The following KLHL22 variants were observed in gnomAD, a reference collection of about 807,000 sequenced individuals.
KLHL22 encodes the protein kelch like family member 22, also known as kelch-like protein 22.
A neutral mutation model predicts 60.7 loss-of-function variants in KLHL22; 18 were observed. The ratio of observed to expected loss-of-function variants is 0.30; its 90% CI spans 0.20 to 0.44. KLHL22 has a LOEUF of 0.44. Ranked by LOEUF, KLHL22 falls within the 20% of genes least tolerant of loss-of-function variation. KLHL22 has a pLI of 1.00. For synonymous variants in KLHL22, 355 were observed against 354.5 expected (o/e 1.00, Z -0.01); for missense variants, 596 against 852.3 (o/e 0.70, Z 3.74).
chr22:20,461,550 C>CAA (rs362095), intron 4 of KLHL22, among the ~76,000 whole-genome samples: 59 of 64,790 alleles, frequency 9.1e-4, no homozygotes, highest in Non-Finnish European at 1.3e-3. Flanking sequence ...GACTCCAACT[C>CAA]AAAAAAAAAA....
In KLHL22 at chr22:20,450,052, G is replaced by A. The variant is rs113392055; in HGVS notation, c.1306-3376C>T. ...ACAGGCTGGGGACAGGCCCTGGCGC[G>A]GCTGTGTGGGATCAGAAGCAGAGTT... On this transcript the variant is annotated intron_variant, in intron 5 of 6. Transcript: ENST00000328879. 1,408 of 685,230 alleles carry A rather than the reference G, an allele frequency of 2.1e-3. 14 individuals carry two copies. The African/African-American group carries it at 0.022, about 11-fold the overall frequency. 42.4% of individuals were successfully genotyped at this position (685,230 alleles called of 1,614,324 possible).
chr22:20,466,518 T>C (rs2053239488), intron 3 of KLHL22, among the ~76,000 whole-genome samples: 2 of 151,998 alleles, frequency 1.3e-5, no homozygotes, highest in Non-Finnish European at 2.9e-5. Flanking sequence ...TGGAAGAGCC[T>C]GCCTCTCCAA....
At chr22:20,456,777 C>T (rs967423745) in intron 5 of KLHL22, among the ~76,000 whole-genome samples, 6 of 152,352 alleles carry the variant, frequency 3.9e-5, no homozygotes, top group Middle Eastern at 3.4e-3. Context: ...AGAGCTGGAT[C>T]CATTGAGGAG....
chr22:20,489,337 T>C, intron 1 of KLHL22, 93 bp from the exon 2 acceptor site: 1 of 877,920 alleles, frequency 1.1e-6, no homozygotes, highest in Non-Finnish European at 1.8e-6. Context: ...CCCTTGCTCC[T>C]GTGCCTCCCT....
At position 20,465,369 on chromosome 22, in the gene KLHL22, TGAG is replaced by T. The variant is rs1164046311; in HGVS notation, c.598_600del (p.Leu200del). On this transcript the variant is annotated inframe_deletion, in exon 4 of 7. Transcript: ENST00000328879. This position sits in a 1 kb window ranked among gnomAD's most constrained non-coding sequence, Gnocchi z 4.9. ...CAGGAGACCTCCAGGCGATTGCTGCTGAGGAGGGAGTAGACCTTCTCCAATGGA... is the reference window on the plus strand; with the variant it reads ...CAGGAGACCTCCAGGCGATTGCTGCTGAGGGAGTAGACCTTCTCCAATGGA... 1 of 1,614,128 alleles carries T rather than the reference TGAG, an allele frequency of 6.2e-7. No individual in the cohort carries two copies. The highest frequency in any genetic ancestry group is 8.5e-7 in the Non-Finnish European group (1 of 1,180,006).
rs750606893 is a variant in KLHL22 at position 20,465,592 on chromosome 22, C to T, written c.394-16G>A. On this transcript the variant is annotated splice_polypyrimidine_tract_variant and intron_variant, in intron 3 of 6. Transcript: ENST00000328879. The surrounding 1 kb of genome is among the most constrained non-coding windows in gnomAD (Gnocchi z 4.9). ...TTTCTGGGATCTGCAGAGAGAATGA[C>T]ACCCATTCAAGCCTGGGCTGGTGAA... 1.6e-6 allele frequency: 2 copies of T among 1,246,990 alleles called. No homozygotes were observed. Among genetic ancestry groups the T allele is most frequent in the Non-Finnish European group, 2.4e-6 (2 of 845,494 alleles). 77.2% of individuals were successfully genotyped at this position (1,246,990 alleles called of 1,614,324 possible).
At chr22:20,468,069 T>C (rs1378899310) in intron 3 of KLHL22, among the ~76,000 whole-genome samples, 6 of 151,810 alleles carry the variant, frequency 4.0e-5, no homozygotes, top group Non-Finnish European at 8.8e-5. Flanking sequence ...ACCTACCAAA[T>C]GTCAGGCAGG....
intron 1 of KLHL22, among the ~76,000 whole-genome samples, chr22:20,494,127 C>T (rs567139665): frequency 6.7e-6 from 1 of 150,044 alleles, no homozygotes; most frequent in East Asian, 2.0e-4. Flanking sequence ...TGGCTCATGC[C>T]TGTAATCCCA....
At position 20,465,729 on chromosome 22, in the gene KLHL22, G is replaced by C; in HGVS notation, c.394-153C>G. On this transcript the variant is annotated intron_variant, in intron 3 of 6. Coordinates refer to ENST00000328879, the MANE Select transcript of KLHL22 (RefSeq NM_032775.4). This position sits in a 1 kb window ranked among gnomAD's most constrained non-coding sequence, Gnocchi z 4.9. ...GTCCCCGACCTTTTCTGACACACTG[G>C]AGACTGGGGCTTACTGCAGACTAGG... 1.6e-6 allele frequency: 1 copy of C among 635,828 alleles called. No homozygotes were observed. The highest frequency in any genetic ancestry group is 2.8e-6 in the Non-Finnish European group (1 of 353,000). 39.4% of individuals were successfully genotyped at this position (635,828 alleles called of 1,614,324 possible).
intron 1 of KLHL22, among the ~76,000 whole-genome samples, chr22:20,493,597 T>C (rs2053723827): frequency 6.6e-6 from 1 of 151,548 alleles, no homozygotes. Context: ...CTGGCCAACA[T>C]AGTGAAACCC....
intron 2 of KLHL22, among the ~76,000 whole-genome samples, chr22:20,484,668 A>C (rs770838960): frequency 1.3e-5 from 2 of 151,032 alleles, no homozygotes; most frequent in African/African-American, 4.9e-5. Flanking sequence ...TTGGGCTCAA[A>C]CAATCTGCCC....
In KLHL22 at chr22:20,446,503, G is replaced by T; in HGVS notation, c.1479C>A (p.Asn493Lys). The change falls in exon 6 of 7, where the codon AAC becomes AAA. Residue 493 changes from asparagine (N) to lysine (K), a missense_variant. By Grantham distance (94) the Asn-to-Lys change is moderately conservative. Coordinates refer to ENST00000328879, the MANE Select transcript of KLHL22 (RefSeq NM_032775.4). ...TGCTGCCCCCGATCACATACAGCTT[G>T]TTGAGGAGGGTTGCCATGCCGTGCC... is the stretch of plus-strand genomic sequence containing the variant. ...RAWHGMATLL[N>K]KLYVIGGSNN... The T allele has an allele frequency of 6.2e-7, 1 of 1,613,120 alleles. No individual in the cohort carries two copies. The highest frequency in any genetic ancestry group is 8.5e-7 in the Non-Finnish European group (1 of 1,180,002).
At position 20,457,901 on chromosome 22, in the gene KLHL22, C is replaced by T; in HGVS notation, c.1212G>A (p.Val404=). 1 of 1,613,772 alleles carries T rather than the reference C, an allele frequency of 6.2e-7. No individual in the cohort carries two copies. The highest frequency in any genetic ancestry group is 8.5e-7 in the Non-Finnish European group (1 of 1,179,910). ...VCVVGRYIYA[V]AGRDYHNDLN... is the part of the protein sequence containing the mutation. ...GGTCATTGTGGTAGTCACGGCCCGCCACAGCGTAGATGTACCTGCCTACAA... is the reference window on the plus strand; with the variant it reads ...GGTCATTGTGGTAGTCACGGCCCGCTACAGCGTAGATGTACCTGCCTACAA... The change falls in exon 5 of 7, where the codon GTG becomes GTA. Residue 404 remains valine (V), a synonymous_variant. Transcript: ENST00000328879.
chr22:20,448,590 G>T (rs771866171), intron 5 of KLHL22, among the ~76,000 whole-genome samples: 1 of 152,070 alleles, frequency 6.6e-6, no homozygotes, highest in Non-Finnish European at 1.5e-5. Flanking sequence ...TTTGAGACAG[G>T]GTCTTGGTCT....
rs35069239 is a variant in KLHL22, at chr22:20,484,298, T to C, written c.227+4687A>G. On this transcript the variant is annotated intron_variant, in intron 2 of 6. Coordinates refer to ENST00000328879, the MANE Select transcript of KLHL22 (RefSeq NM_032775.4). ...ATGAGCCACCGTGCCCAGCTTTGTTTGTTTTTTGCTTTTTGAGGCAGAATC... is the reference window on the plus strand; with the variant it reads ...ATGAGCCACCGTGCCCAGCTTTGTTCGTTTTTTGCTTTTTGAGGCAGAATC... Among the ~76,000 whole-genome samples the C allele has an allele frequency of 2.6e-3, 393 of 152,086 alleles. 2 individuals carry two copies. The highest frequency in any genetic ancestry group is 3.3e-3 in the Non-Finnish European group (223 of 67,982).
chr22:20,449,963 C>T (rs112142686), intron 5 of KLHL22, among the ~76,000 whole-genome samples: 3 of 152,298 alleles, frequency 2.0e-5, no homozygotes, highest in Admixed American at 6.5e-5. Context: ...CGGGCCGGGG[C>T]GGCGGCGGCG....
At chr22:20,487,383 A>G (rs2146284276) in intron 2 of KLHL22, among the ~76,000 whole-genome samples, 1 of 67,358 alleles carries the variant, frequency 1.5e-5, no homozygotes, top group South Asian at 5.2e-4. Context: ...ACACCCAGCT[A>G]ATTTTTTTTT....
chr22:20,443,565 CT>C (rs762554127), intron 6 of KLHL22, among the ~76,000 whole-genome samples: 6 of 151,726 alleles, frequency 4.0e-5, no homozygotes, highest in African/African-American at 7.3e-5. Context: ...ATGGTGAAAC[CT>C]CGTCTCTACT....
At chr22:20,469,092 C>T (rs5749528) in intron 3 of KLHL22, among the ~76,000 whole-genome samples, 34 of 152,170 alleles carry the variant, frequency 2.2e-4, no homozygotes, top group Non-Finnish European at 3.7e-4. Flanking sequence ...TCCAAGCTGA[C>T]TGGTGAGAGA....
Sources: gnomAD v4.1 joint callset for allele counts (sites outside exome capture counted in the v4.1 genomes callset) on GRCh38, gnomAD v4.1.1 for gene constraint, Gnocchi (gnomAD v3.1) non-coding constraint, MANE v1.5 for transcripts, NCBI Gene and HGNC (gene_info 2026-07-23, HGNC 2026-07-21) for gene names.